PPP2R2B: variants seen among roughly 807,000 people sequenced by gnomAD.
PPP2R2B encodes protein phosphatase 2 regulatory subunit Bbeta, also known as serine/threonine-protein phosphatase 2A 55 kDa regulatory subunit B beta isoform.
In PPP2R2B, 5 loss-of-function variants were observed where a neutral mutation model predicts 46.0. That is an observed-to-expected ratio of 0.11 (90% CI 0.06 to 0.23). The LOEUF is 0.23. Ranked by LOEUF, PPP2R2B falls within the 10% of genes least tolerant of loss-of-function variation. PPP2R2B has a pLI of 1.00. For synonymous variants in PPP2R2B, 215 were observed against 206.7 expected (o/e 1.04, Z -0.34); for missense variants, 367 against 575.0 (o/e 0.64, Z 3.70).
chr5:146,944,382 C>A (rs1164220010), intron 1 of PPP2R2B, among the ~76,000 whole-genome samples: 1 of 152,064 alleles, frequency 6.6e-6, no homozygotes, highest in African/African-American at 2.4e-5. Flanking sequence ...GATCCCACAA[C>A]CTTATTTTGT....
intron 1 of PPP2R2B, among the ~76,000 whole-genome samples, chr5:147,006,942 G>A (rs1382993694): frequency 6.6e-6 from 1 of 152,136 alleles, no homozygotes; most frequent in Non-Finnish European, 1.5e-5. Flanking sequence ...CCATCCTCTG[G>A]AGTTGGGCAA....
At chr5:146,900,799 C>T (rs964881315) in intron 1 of PPP2R2B, among the ~76,000 whole-genome samples, 3 of 151,714 alleles carry the variant, frequency 2.0e-5, no homozygotes, top group Admixed American at 1.3e-4. Flanking sequence ...TGCCCCATCC[C>T]CATGCACTGG....
intron 2 of PPP2R2B, among the ~76,000 whole-genome samples, chr5:146,820,116 A>G (rs1024956796): frequency 6.6e-6 from 1 of 152,174 alleles, no homozygotes; most frequent in African/African-American, 2.4e-5. Flanking sequence ...TGGGAGGAAT[A>G]AGTTCTGGTG....
rs145284116 is a variant in PPP2R2B at position 146,756,955 on chromosome 5, C to CA, written c.71-55814dup. ...CTTACATTCTGGTGGAGGAGGCAGA[C>CA]AAATTAAGATTAAGGAGGGTAGACA... On this transcript the variant is annotated intron_variant, in intron 2 of 9. Coordinates refer to ENST00000394411, the MANE Select transcript of PPP2R2B (RefSeq NM_181675.4). 9.5e-3 allele frequency among the ~76,000 whole-genome samples: 1,443 copies of CA among 152,266 alleles called. 18 individuals are homozygous for CA. Among genetic ancestry groups the CA allele is most frequent in the African/African-American group, 0.031 (1,278 of 41,538 alleles).
intron 2 of PPP2R2B, among the ~76,000 whole-genome samples, chr5:147,077,109 T>TAC (rs1757793484): frequency 6.8e-6 from 1 of 147,858 alleles, no homozygotes; most frequent in African/African-American, 2.5e-5. Context: ...TAATATATAA[T>TAC]ATGTAATATT....
intron 6 of PPP2R2B, among the ~76,000 whole-genome samples, chr5:146,646,769 T>A (rs7704147): frequency 0.75 from 114,276 of 152,122 alleles, 44,151 homozygotes; most frequent in Non-Finnish European, 0.83. Context: ...GTTTCCTTGT[T>A]CTCTCAATAA....
chr5:146,607,987 T>C (rs1372090898), intron 7 of PPP2R2B, among the ~76,000 whole-genome samples: 1 of 152,242 alleles, frequency 6.6e-6, no homozygotes, highest in Non-Finnish European at 1.5e-5. Flanking sequence ...AATTTTTATG[T>C]GTCATAAAAC....
chr5:147,030,237 T>C (rs1413463812), intron 1 of PPP2R2B, among the ~76,000 whole-genome samples: 1 of 152,208 alleles, frequency 6.6e-6, no homozygotes, highest in African/African-American at 2.4e-5. Flanking sequence ...GTAGTTGATG[T>C]TATGTTGCTC....
chr5:146,707,125 G>T, intron 2 of PPP2R2B: 2 of 1,596,052 alleles, frequency 1.3e-6, no homozygotes, highest in South Asian at 1.1e-5. Flanking sequence ...GCCAAGCTCC[G>T]CCTCCAGCTT....
chr5:147,005,165 A>C (rs1057364529), intron 1 of PPP2R2B, among the ~76,000 whole-genome samples: 3 of 152,184 alleles, frequency 2.0e-5, no homozygotes, highest in African/African-American at 7.2e-5. Flanking sequence ...CTGCCAACAA[A>C]TTATAGTCCA....
At chr5:146,993,492 T>C (rs556739384) in intron 1 of PPP2R2B, among the ~76,000 whole-genome samples, 1 of 152,290 alleles carries the variant, frequency 6.6e-6, no homozygotes, top group East Asian at 1.9e-4. Flanking sequence ...TCCACCTGCC[T>C]CAGCCTCCCA....
chr5:146,649,624 A>ATT (rs898880051), intron 6 of PPP2R2B, among the ~76,000 whole-genome samples: 1 of 151,650 alleles, frequency 6.6e-6, no homozygotes, highest in African/African-American at 2.4e-5. Flanking sequence ...TCTTTTTTGT[A>ATT]TTTTTAGTAA....
intron 2 of PPP2R2B, among the ~76,000 whole-genome samples, chr5:146,793,879 A>G (rs916666548): frequency 6.6e-6 from 1 of 152,220 alleles, no homozygotes; most frequent in Non-Finnish European, 1.5e-5. Flanking sequence ...AGGTATCTAA[A>G]CACAGGGAGA....
At chr5:146,973,908 A>T (rs1396623297) in intron 1 of PPP2R2B, among the ~76,000 whole-genome samples, 2 of 152,186 alleles carry the variant, frequency 1.3e-5, no homozygotes, top group Non-Finnish European at 2.9e-5. Flanking sequence ...AATATTTGCA[A>T]AGCCTATAGG....
intron 1 of PPP2R2B, among the ~76,000 whole-genome samples, chr5:146,989,230 G>A (rs528933259): frequency 2.2e-4 from 33 of 150,852 alleles, no homozygotes; most frequent in East Asian, 3.9e-4. Context: ...AAAGTGAACC[G>A]AATAGTTCCA....
At chr5:146,893,270 G>C (rs1053858078) in intron 1 of PPP2R2B, among the ~76,000 whole-genome samples, 3 of 152,170 alleles carry the variant, frequency 2.0e-5, no homozygotes, top group African/African-American at 7.2e-5. Flanking sequence ...ATTAATGAAT[G>C]CTTTCTTTGT....
chr5:146,727,804 A>C (rs2151201637), intron 2 of PPP2R2B, among the ~76,000 whole-genome samples: 1 of 152,272 alleles, frequency 6.6e-6, no homozygotes, highest in African/African-American at 2.4e-5. Context: ...TTCTTGTGTA[A>C]TTGAAATGTT....
intron 3 of PPP2R2B, among the ~76,000 whole-genome samples, chr5:146,699,645 A>G (rs905954959): frequency 8.2e-5 from 12 of 146,166 alleles, no homozygotes. Context: ...CTTTATCATC[A>G]CTGCGAACTT....
intron 2 of PPP2R2B, among the ~76,000 whole-genome samples, chr5:146,777,735 A>G (rs1755273546): frequency 6.6e-6 from 1 of 152,196 alleles, no homozygotes; most frequent in South Asian, 2.1e-4. Context: ...CAGTTTTTCT[A>G]TGCACAATTG....
Sources: gnomAD v4.1 joint callset for allele counts (sites outside exome capture counted in the v4.1 genomes callset) on GRCh38, gnomAD v4.1.1 for gene constraint, MANE v1.5 for transcripts, NCBI Gene and HGNC (gene_info 2026-07-23, HGNC 2026-07-21) for gene names.